Variants in COL26A1 observed in about 807,000 individuals in gnomAD.
COL26A1 encodes collagen alpha-1(XXVI) chain.
Under a neutral mutation model 59.3 loss-of-function variants are expected in COL26A1, and 41 were observed. The observed-to-expected ratio is 0.69, with a 90% confidence interval of 0.54 to 0.90. COL26A1 has a LOEUF of 0.90. COL26A1 is among the 40% of genes least tolerant of loss of function. The probability of loss-of-function intolerance (pLI) is 0.00; values close to 1 mark genes in which losing one functional copy is unlikely to be tolerated. For synonymous variants in COL26A1, 266 were observed against 256.0 expected, an observed-to-expected ratio of 1.04 and a Z score of -0.37; for missense variants, 612 against 602.3, an observed-to-expected ratio of 1.02 and a Z score of -0.17.
At chr7:101,395,073 A>G (rs1584369386) in intron 1 of COL26A1, among the ~76,000 whole-genome samples, 3 of 151,452 alleles carry the variant, frequency 2.0e-5, no homozygotes, top group African/African-American at 7.3e-5. Context: ...GGGTTTCTCC[A>G]TGTTGGCCAG....
intron 1 of COL26A1, among the ~76,000 whole-genome samples, chr7:101,377,664 C>T (rs150744376): frequency 6.6e-6 from 1 of 151,612 alleles, no homozygotes; most frequent in Non-Finnish European, 1.5e-5. Flanking sequence ...TGGGCTCAAG[C>T]GATTCTCCTC....
chr7:101,423,608 G>A (rs1792575993), intron 2 of COL26A1, among the ~76,000 whole-genome samples: 1 of 151,932 alleles, frequency 6.6e-6, no homozygotes, highest in Non-Finnish European at 1.5e-5. Context: ...GGTGCCACAT[G>A]CCTGTAATCC....
intron 3 of COL26A1, among the ~76,000 whole-genome samples, chr7:101,523,301 T>G (rs1422793728): frequency 1.3e-5 from 2 of 152,162 alleles, no homozygotes; most frequent in Non-Finnish European, 2.9e-5. Context: ...ACTCCTGACC[T>G]CAAATAATCC....
intron 2 of COL26A1, among the ~76,000 whole-genome samples, chr7:101,433,176 T>C (rs775260614): frequency 6.6e-6 from 1 of 151,674 alleles, no homozygotes; most frequent in Non-Finnish European, 1.5e-5. Flanking sequence ...CAGAAAAAAT[T>C]AGTTGGGCAT....
chr7:101,405,568 T>C (rs528183228), intron 1 of COL26A1, among the ~76,000 whole-genome samples: 29 of 152,204 alleles, frequency 1.9e-4, no homozygotes, highest in African/African-American at 6.7e-4. Context: ...CCCTGAATGC[T>C]GATGCTTCCT....
At position 101,415,208 on chromosome 7, in the gene COL26A1, C is replaced by G. The variant is rs10441302; in HGVS notation, c.159-4769C>G. 2.0e-5 allele frequency among the ~76,000 whole-genome samples: 3 copies of G among 149,916 alleles called. No individual in the cohort carries two copies. The South Asian group carries it at 6.7e-4, about 33-fold the overall frequency. On this transcript the variant is annotated intron_variant, in intron 1 of 12. Coordinates refer to ENST00000313669, the MANE Select transcript of COL26A1 (RefSeq NM_001278563.3). Reference sequence around the variant, plus strand: ...CTCTCTGTCGCCCAGGCTGGAGTGCCGTGGTGCGATCTTGGCTCACTGCAA... The same window carrying G: ...CTCTCTGTCGCCCAGGCTGGAGTGCGGTGGTGCGATCTTGGCTCACTGCAA...
chr7:101,503,628 C>T (rs535787106), intron 3 of COL26A1, among the ~76,000 whole-genome samples: 14 of 152,328 alleles, frequency 9.2e-5, no homozygotes, highest in East Asian at 1.9e-4. Flanking sequence ...GTGATCATCC[C>T]GCCTCAGCCT....
intron 3 of COL26A1, among the ~76,000 whole-genome samples, chr7:101,455,201 C>T (rs1203724855): frequency 6.6e-6 from 1 of 151,872 alleles, no homozygotes; most frequent in Non-Finnish European, 1.5e-5. Context: ...AACCACCACA[C>T]CTGGCTAATT....
At chr7:101,494,104 T>G (rs893303156) in intron 3 of COL26A1, among the ~76,000 whole-genome samples, 3 of 152,090 alleles carry the variant, frequency 2.0e-5, no homozygotes, top group Non-Finnish European at 4.4e-5. Flanking sequence ...AAGACACAGG[T>G]ACTTCTACTT....
At chr7:101,475,058 G>A (rs1356053354) in intron 3 of COL26A1, among the ~76,000 whole-genome samples, 1 of 152,118 alleles carries the variant, frequency 6.6e-6, no homozygotes, top group Non-Finnish European at 1.5e-5. Context: ...GCTGGGTGTG[G>A]TGTGGTGGGT....
chr7:101,387,759 TATATATATATA>T (rs1562958229), intron 1 of COL26A1, among the ~76,000 whole-genome samples: 222 of 44,296 alleles, frequency 5.0e-3, no homozygotes, highest in African/African-American at 7.3e-3. Context: ...TATATTTATA[TATATATATATA>T]TATATATATT....
At position 101,489,840 on chromosome 7, in the gene COL26A1, T is replaced by TG. The variant is rs1409265260; in HGVS notation, c.385+42053_385+42054insG. Reference sequence around the variant, plus strand: ...TTTCTTTCTTTCTTTCTTTCTTTCTTTCTTTCTTTCTTTCTTTCTTTCTTT... The same window carrying TG: ...TTTCTTTCTTTCTTTCTTTCTTTCTTGTCTTTCTTTCTTTCTTTCTTTCTTT... On this transcript the variant is annotated intron_variant, in intron 3 of 12. Transcript: ENST00000313669. Among the ~76,000 whole-genome samples, 6 of 20,572 alleles carry TG rather than the reference T, an allele frequency of 2.9e-4. 1 individual carries two copies. Among genetic ancestry groups the TG allele is most frequent in the African/African-American group, 1.9e-3 (3 of 1,594 alleles). 13.5% of individuals were successfully genotyped at this position (20,572 alleles called of 152,430 possible).
At chr7:101,510,113 C>T (rs1460194246) in intron 3 of COL26A1, among the ~76,000 whole-genome samples, 1 of 150,896 alleles carries the variant, frequency 6.6e-6, no homozygotes, top group Non-Finnish European at 1.5e-5. Flanking sequence ...CCTCCAATTC[C>T]TGGACTCAAG....
intron 2 of COL26A1, among the ~76,000 whole-genome samples, chr7:101,436,748 C>T (rs1341379959): frequency 6.6e-6 from 1 of 151,224 alleles, no homozygotes; most frequent in East Asian, 1.9e-4. Context: ...CAGAGTCTCA[C>T]TCTGTCCCCC....
chr7:101,513,947 A>T (rs1047871425), intron 3 of COL26A1, among the ~76,000 whole-genome samples: 1 of 152,186 alleles, frequency 6.6e-6, no homozygotes, highest in Non-Finnish European at 1.5e-5. Context: ...GGTCAAGGGC[A>T]TGAATGGGTA....
chr7:101,529,795 A>G (rs77849066), intron 3 of COL26A1, among the ~76,000 whole-genome samples: 3,001 of 152,282 alleles, frequency 0.02, 34 homozygotes, highest in Middle Eastern at 0.071. Context: ...TACAGTGTAT[A>G]TGCACCTCAT....
Position 101,458,804 on chromosome 7 carries a change from C to T in COL26A1, c.385+11017C>T, listed in dbSNP as rs866250610. 1.2e-4 allele frequency among the ~76,000 whole-genome samples: 17 copies of T among 140,438 alleles called. 1 individual carries two copies. The highest frequency in any genetic ancestry group is 1.5e-4 in the Non-Finnish European group (10 of 65,086). The allele number at this position is 140,438 out of a possible 152,430, so 92.1% of individuals were successfully genotyped here. On this transcript the variant is annotated intron_variant, in intron 3 of 12. Transcript: ENST00000313669. ...GCCAGTGTAGAACTGAAACCTGGGTCTTTTTTTTTTTTTTGGAGACATGGT... is the reference window on the plus strand; with the variant it reads ...GCCAGTGTAGAACTGAAACCTGGGTTTTTTTTTTTTTTTTGGAGACATGGT...
chr7:101,474,049 T>G (rs1026527065), intron 3 of COL26A1, among the ~76,000 whole-genome samples: 5 of 152,158 alleles, frequency 3.3e-5, no homozygotes, highest in African/African-American at 1.2e-4. Context: ...AATGCCAGCC[T>G]GTGAAAAGCA....
At chr7:101,473,680 AAAAAC>A (rs1309363517) in intron 3 of COL26A1, among the ~76,000 whole-genome samples, 3 of 151,642 alleles carry the variant, frequency 2.0e-5, no homozygotes, top group East Asian at 3.9e-4. Flanking sequence ...AAACAAAAAC[AAAAAC>A]AAAACAAAAC....
Sources: allele counts gnomAD v4.1 joint callset (sites outside exome capture counted in the v4.1 genomes callset), GRCh38; gene constraint gnomAD v4.1.1; transcripts MANE v1.5; gene names NCBI Gene and HGNC (gene_info 2026-07-23, HGNC 2026-07-21).